The following KDM5A variants were observed in gnomAD, a reference collection of about 807,000 sequenced individuals.
KDM5A encodes lysine-specific demethylase 5A.
KDM5A carries 42 observed loss-of-function variants against 193.5 expected under a neutral mutation model. The ratio of observed to expected loss-of-function variants is 0.22; its 90% CI spans 0.17 to 0.28. The LOEUF (loss-of-function observed/expected upper bound fraction) is 0.28. Ranked by LOEUF, KDM5A falls within the 10% of genes least tolerant of loss-of-function variation. The pLI is 1.00. For missense variants in KDM5A, 1,692 were observed against 2,055.1 expected, an observed-to-expected ratio of 0.82 and a Z score of 3.42; for synonymous variants, 796 against 718.1, an observed-to-expected ratio of 1.11 and a Z score of -1.73.
chr12:349,183 G>C (rs771734673), intron 10 of KDM5A, among the ~76,000 whole-genome samples: 9 of 151,246 alleles, frequency 6.0e-5, no homozygotes, highest in Non-Finnish European at 1.0e-4. Flanking sequence ...ACCACGCCCA[G>C]TTAATTTTTT....
At position 322,233 on chromosome 12, in the gene KDM5A, G is replaced by A. The variant is rs924658387; in HGVS notation, c.2426+184C>T. 2.1e-5 allele frequency: 13 copies of A among 619,536 alleles called. No individual in the cohort carries two copies. The Admixed American group carries it at 2.9e-4, about 14-fold the overall frequency. 38.4% of individuals were successfully genotyped at this position (619,536 alleles called of 1,614,324 possible). A position where few individuals can be genotyped will look rare whatever the true frequency, so the allele number is the denominator to read the frequency against. ...GAAGAACAGCAAGAGAAAGAACACTGCAGGCTGGAGCAAGAAAGAAGGGAG... is the reference window on the plus strand; with the variant it reads ...GAAGAACAGCAAGAGAAAGAACACTACAGGCTGGAGCAAGAAAGAAGGGAG... On this transcript the variant is annotated intron_variant, in intron 17 of 27. Transcript: ENST00000399788.
chr12:307,337 A>G lies in KDM5A; in HGVS notation c.3930+117T>C, dbSNP rs1389085519. ...TGTATGTTGAAGGAGAATGCAATGG[A>G]TAATTGCTGACAAGTTACTGTTATT... On this transcript the variant is annotated intron_variant, in intron 23 of 27. Coordinates refer to ENST00000399788, the MANE Select transcript of KDM5A (RefSeq NM_001042603.3). The surrounding 1 kb of genome is among the most constrained non-coding windows in gnomAD (Gnocchi z 4.3). The G allele has an allele frequency of 2.5e-6, 3 of 1,176,954 alleles. No homozygotes were observed. In the African/African-American group the frequency reaches 4.5e-5, roughly 18 times the overall value. 72.9% of individuals were successfully genotyped at this position (1,176,954 alleles called of 1,614,324 possible).
chr12:335,934 T>A (rs965111139), intron 10 of KDM5A, among the ~76,000 whole-genome samples: 1 of 142,784 alleles, frequency 7.0e-6, no homozygotes, highest in Non-Finnish European at 1.5e-5. Flanking sequence ...TCCCAGCTAC[T>A]GGGGAGGCTG....
intron 18 of KDM5A, 111 bp downstream of exon 18, chr12:320,884 G>GA (rs897081968): frequency 0.011 from 7,418 of 705,668 alleles, no homozygotes; most frequent in Non-Finnish European, 0.012. Context: ...ATATGTGAGA[G>GA]AAAAAAAAAA....
chr12:329,606 A>G (rs1011433381), intron 13 of KDM5A, among the ~76,000 whole-genome samples: 4 of 152,168 alleles, frequency 2.6e-5, no homozygotes, highest in African/African-American at 9.6e-5. Flanking sequence ...TTTAGCATCT[A>G]GAAATTATTT....
At chr12:373,477 CTT>C (rs2137482209) in intron 3 of KDM5A, among the ~76,000 whole-genome samples, 1 of 150,620 alleles carries the variant, frequency 6.6e-6, no homozygotes, top group Admixed American at 6.6e-5. Context: ...TTCTTCTTTC[CTT>C]TTTTGTCTTG....
Position 354,115 on chromosome 12 carries a change from C to T in KDM5A, c.990G>A (p.Val330=), listed in dbSNP as rs1944198562. The part of the protein sequence containing the change: ...TFCLIPPLPD[V]PKGDWRCPKC... ...TAGGACACCTCCAGTCTCCTTTGGG[C>T]ACATCAGGTAGTGGAGGAATTAGAC... Residue 330 remains valine, a synonymous_variant, in exon 8 of 28, where the codon GTG becomes GTA. Transcript: ENST00000399788. 1 of 1,613,762 alleles carries T rather than the reference C, an allele frequency of 6.2e-7. No individual in the cohort carries two copies. The highest frequency in any genetic ancestry group is 1.3e-5 in the African/African-American group (1 of 75,000).
intron 25 of KDM5A, 76 bp from the exon 26 acceptor site, chr12:295,869 T>A: frequency 7.9e-7 from 1 of 1,264,598 alleles, no homozygotes; most frequent in Non-Finnish European, 1.1e-6. Flanking sequence ...AAGCAAATAT[T>A]GAGACTAGCC....
At chr12:356,317 C>T (rs1251600665) in intron 6 of KDM5A, 115 bp downstream of exon 6, 5 of 744,854 alleles carry the variant, frequency 6.7e-6, no homozygotes, top group East Asian at 5.4e-5. Context: ...AACCACATTG[C>T]GATTTTACAA....
intron 10 of KDM5A, among the ~76,000 whole-genome samples, chr12:338,226 T>G (rs1409990314): frequency 6.6e-6 from 1 of 152,106 alleles, no homozygotes; most frequent in East Asian, 1.9e-4. Flanking sequence ...ATGATAAGAG[T>G]GGCTCACAAT....
chr12:328,743 T>C, intron 14 of KDM5A, 92 bp downstream of exon 14: 1 of 1,103,854 alleles, frequency 9.1e-7, no homozygotes, highest in Non-Finnish European at 1.4e-6. Flanking sequence ...GCTCAACTCC[T>C]AGGGGATAAG....
intron 3 of KDM5A, among the ~76,000 whole-genome samples, chr12:378,452 G>A (rs1271786422): frequency 6.6e-6 from 1 of 152,048 alleles, no homozygotes; most frequent in Non-Finnish European, 1.5e-5. Flanking sequence ...TAGAGACGGG[G>A]TCTCCCTATG....
intron 3 of KDM5A, among the ~76,000 whole-genome samples, chr12:383,818 A>G (rs906760772): frequency 1.3e-5 from 2 of 151,188 alleles, no homozygotes; most frequent in African/African-American, 4.9e-5. Context: ...GCGCGATCTC[A>G]GCTCACCACA....
rs1943890265 is a variant in KDM5A, at chr12:333,650, CT to C, written c.1491-2del. On this transcript the variant is annotated splice_acceptor_variant, in intron 11 of 27. Transcript: ENST00000399788. LOFTEE classifies it high-confidence loss of function. ...ACCATACCATGTCTTTGGCTCCCCC[CT>C]AGCAAAAGAAGTAACTGTTTAGCTA... 1 of 1,613,922 alleles carries C rather than the reference CT, an allele frequency of 6.2e-7. No homozygotes were observed. The highest frequency in any genetic ancestry group is 1.7e-5 in the Admixed American group (1 of 59,994).
chr12:298,807 A>C (rs1191822230), intron 24 of KDM5A, among the ~76,000 whole-genome samples: 4 of 152,112 alleles, frequency 2.6e-5, no homozygotes, highest in Admixed American at 2.6e-4. Context: ...CCTTCAGGAA[A>C]GGTTAGAGGA....
In KDM5A at chr12:285,484, G is replaced by A. The variant is rs371404256; in HGVS notation, c.5045C>T (p.Pro1682Leu). The A allele has an allele frequency of 2.5e-5, 41 of 1,613,854 alleles. No individual in the cohort carries two copies. The highest frequency in any genetic ancestry group is 3.3e-5 in the Non-Finnish European group (39 of 1,179,908). The change falls in exon 28 of 28, where the codon CCA becomes CTA. Residue 1682 changes from proline to leucine, a missense_variant. Pro to Leu is a moderately conservative substitution (Grantham distance 98). Around this residue, in one of 11 missense-constraint regions of KDM5A, gnomAD observed 41 missense variants for 36.3 expected, o/e 1.13. Transcript: ENST00000399788. ...PPSFIMSYKL[P>L]MEDLKETS ...ACTGGTCTCTTTAAGATCCTCCATTGGTAGTTTGTAGCTCATTATGAAGGA... is the reference window on the plus strand; with the variant it reads ...ACTGGTCTCTTTAAGATCCTCCATTAGTAGTTTGTAGCTCATTATGAAGGA...
intron 3 of KDM5A, among the ~76,000 whole-genome samples, chr12:378,190 G>C (rs534930755): frequency 1.2e-4 from 19 of 152,218 alleles, no homozygotes; most frequent in African/African-American, 3.9e-4. Flanking sequence ...ATCAGAAACA[G>C]CTAAAAGAAC....
Position 346,929 on chromosome 12 carries a change from GAGAA to G in KDM5A, c.1308+3688_1308+3691del, listed in dbSNP as rs565094647. Among the ~76,000 whole-genome samples, 449 of 152,260 alleles carry G rather than the reference GAGAA, an allele frequency of 2.9e-3. 1 individual carries two copies. The highest frequency in any genetic ancestry group is 0.01 in the African/African-American group (428 of 41,536). On this transcript the variant is annotated intron_variant, in intron 10 of 27. Coordinates refer to ENST00000399788, the MANE Select transcript of KDM5A (RefSeq NM_001042603.3). ...AGTTCTGGCCAGGGCAATCAGGCAAGAGAAAGAAATAAAGGGTATTCAATTAGGA... is the reference window on the plus strand; with the variant it reads ...AGTTCTGGCCAGGGCAATCAGGCAAGAGAAATAAAGGGTATTCAATTAGGA...
At chr12:345,576 C>T (rs1944061582) in intron 10 of KDM5A, among the ~76,000 whole-genome samples, 1 of 152,198 alleles carries the variant, frequency 6.6e-6, no homozygotes, top group South Asian at 2.1e-4. Flanking sequence ...TCTCAGACCA[C>T]AGTGCAATCA....
Sources: gnomAD v4.1 joint callset for allele counts (sites outside exome capture counted in the v4.1 genomes callset) on GRCh38, gnomAD v4.1.1 for gene constraint, gnomAD v4.1.1 regional missense constraint, Gnocchi (gnomAD v3.1) non-coding constraint, MANE v1.5 for transcripts, NCBI Gene and HGNC (gene_info 2026-07-23, HGNC 2026-07-21) for gene names.